The following NFIC variants were observed in gnomAD, a reference collection of about 807,000 sequenced individuals.
NFIC encodes the protein nuclear factor I C, also known as nuclear factor 1 C-type.
Under a neutral mutation model 54.4 loss-of-function variants are expected in NFIC, and 12 were observed. The observed-to-expected ratio is 0.22, with a 90% CI of 0.14 to 0.36. The LOEUF (loss-of-function observed/expected upper bound fraction) is 0.36, where lower values mean the gene tolerates loss of function less well. Among genes scored for constraint, NFIC ranks in the 10% least tolerant of loss-of-function variants. NFIC has a pLI of 1.00. For missense variants in NFIC, 575 were observed against 718.2 expected (o/e 0.80, Z 2.28); for synonymous variants, 322 against 319.2 (o/e 1.01, Z -0.09).
intron 1 of NFIC, among the ~76,000 whole-genome samples, chr19:3,374,229 T>C (rs757045548): frequency 2.6e-5 from 4 of 152,172 alleles, no homozygotes; most frequent in Non-Finnish European, 5.9e-5. Flanking sequence ...ACCCAGTGCA[T>C]GGCGTGGTCG....
chr19:3,363,605 A>C (rs1410167760), upstream of NFIC, among the ~76,000 whole-genome samples: 1 of 151,378 alleles, frequency 6.6e-6, no homozygotes, highest in African/African-American at 2.4e-5. Flanking sequence ...GTGTGTGTGC[A>C]TGTGTGTGTA....
chr19:3,393,653 A>G (rs928363146), intron 2 of NFIC, among the ~76,000 whole-genome samples: 4 of 151,196 alleles, frequency 2.6e-5, no homozygotes, highest in African/African-American at 4.9e-5. Flanking sequence ...GGTCTCTACT[A>G]AAAATACAAA....
intron 1 of NFIC, among the ~76,000 whole-genome samples, chr19:3,380,309 C>CTTTTTTTTTTTT (rs529220524): frequency 1.5e-5 from 1 of 65,148 alleles, no homozygotes. Context: ...CAGCCTTGTT[C>CTTTTTTTTTTTT]TTTTTTTTTT....
chr19:3,416,764 T>TTCG (rs2081861752), intron 2 of NFIC, among the ~76,000 whole-genome samples: 1 of 151,812 alleles, frequency 6.6e-6, no homozygotes, highest in African/African-American at 2.4e-5. Flanking sequence ...CCTCAGGTGA[T>TTCG]CCACCGCCTC....
rs1311634922 is a variant in NFIC at position 3,452,976 on chromosome 19, C to T, written c.1269+310C>T. On this transcript the variant is annotated intron_variant, in intron 8 of 10. Transcript: ENST00000443272. The surrounding 1 kb of genome is among the most constrained non-coding windows in gnomAD (Gnocchi z 5.3). ...AGGGACTGGGCATAGCGGCTCATGC[C>T]TGTGATCCCAGCGCTTTCGGAGGCC... is the stretch of plus-strand genomic sequence containing the variant. Among the ~76,000 whole-genome samples the T allele has an allele frequency of 6.6e-6, 1 of 152,234 alleles. No individual in the cohort carries two copies. The highest frequency in any genetic ancestry group is 1.5e-5 in the Non-Finnish European group (1 of 68,042).
At chr19:3,436,724 C>T (rs1207439681) in intron 6 of NFIC, among the ~76,000 whole-genome samples, 1 of 152,052 alleles carries the variant, frequency 6.6e-6, no homozygotes. Flanking sequence ...ATCCACCCAC[C>T]TCGGCCTCCC....
At chr19:3,430,206 A>C (rs2082099282) in intron 3 of NFIC, among the ~76,000 whole-genome samples, 1 of 151,766 alleles carries the variant, frequency 6.6e-6, no homozygotes, top group East Asian at 1.9e-4. Context: ...GTCAAAGTGC[A>C]CTAAGTACAT....
Position 3,464,191 on chromosome 19 carries a change from CA to C in NFIC, c.*1423del. 8 of 985,396 alleles carry C rather than the reference CA, an allele frequency of 8.1e-6. No individual in the cohort carries two copies. Among genetic ancestry groups the C allele is most frequent in the Non-Finnish European group, 9.6e-6 (8 of 829,916 alleles). The allele number at this position is 985,396 out of a possible 1,614,324, so 61.0% of individuals were successfully genotyped here. ...TCATCGCCTACCCCGACGCGGGGCC[CA>C]GCTGCGGGACGTGCATCACGGCTGG... On this transcript the variant is annotated 3_prime_UTR_variant, in exon 11 of 11. Coordinates refer to ENST00000443272, the MANE Select transcript of NFIC (RefSeq NM_001245002.2).
chr19:3,367,492 C>G (rs2080916810), intron 1 of NFIC, among the ~76,000 whole-genome samples: 1 of 152,136 alleles, frequency 6.6e-6, no homozygotes, highest in South Asian at 2.1e-4. Flanking sequence ...CTCCCCCTCC[C>G]CCTCCCGTAG....
rs1181911105 is a variant in NFIC at position 3,453,341 on chromosome 19, G to T, written c.1270-422G>T. On this transcript the variant is annotated intron_variant, in intron 8 of 10. Transcript: ENST00000443272. The surrounding 1 kb of genome is among the most constrained non-coding windows in gnomAD (Gnocchi z 6.7). ...AGACAGCGTTTGCCAGACTCCACAG[G>T]AAGCTTTGGATGTTCAGAGCTTTTC... 6.6e-6 allele frequency among the ~76,000 whole-genome samples: 1 copy of T among 152,208 alleles called. No individual in the cohort carries two copies. The highest frequency in any genetic ancestry group is 1.5e-5 in the Non-Finnish European group (1 of 68,044).
intron 6 of NFIC, among the ~76,000 whole-genome samples, chr19:3,447,943 T>G (rs2082397172): frequency 6.6e-6 from 1 of 152,234 alleles, no homozygotes; most frequent in Non-Finnish European, 1.5e-5. Flanking sequence ...TCATTCTTGT[T>G]GCCTGGGCTG....
At chr19:3,377,638 G>A (rs1196218735) in intron 1 of NFIC, among the ~76,000 whole-genome samples, 1 of 151,898 alleles carries the variant, frequency 6.6e-6, no homozygotes, top group African/African-American at 2.4e-5. Flanking sequence ...TAGAGACAGG[G>A]TCTTACTCTA....
At chr19:3,455,702 C>T (rs548969971) in intron 9 of NFIC, among the ~76,000 whole-genome samples, 6 of 151,916 alleles carry the variant, frequency 3.9e-5, no homozygotes, top group African/African-American at 7.2e-5. Flanking sequence ...ACTCAGGGCT[C>T]GGTGGGATTA....
At chr19:3,410,194 C>T (rs1267094366) in intron 2 of NFIC, among the ~76,000 whole-genome samples, 1 of 152,082 alleles carries the variant, frequency 6.6e-6, no homozygotes, top group East Asian at 1.9e-4. Flanking sequence ...GCGCCTGCCA[C>T]CACGCCCGGC....
In NFIC at chr19:3,441,880, C is replaced by T. The variant is rs147636228; in HGVS notation, c.958+6673C>T. ...CTGGGATGCTCCTCCTCCTCCTCGG[C>T]ATCCTCCCCCCACCCTTCCCTGCCC... On this transcript the variant is annotated intron_variant, in intron 6 of 10. Coordinates refer to ENST00000443272, the MANE Select transcript of NFIC (RefSeq NM_001245002.2). 5.3e-3 allele frequency among the ~76,000 whole-genome samples: 811 copies of T among 152,334 alleles called. 4 individuals are homozygous for T. The highest frequency in any genetic ancestry group is 9.7e-3 in the South Asian group (47 of 4,830).
At chr19:3,421,078 T>C (rs2081947105) in intron 2 of NFIC, among the ~76,000 whole-genome samples, 1 of 152,184 alleles carries the variant, frequency 6.6e-6, no homozygotes. Flanking sequence ...GAGGGGGTGC[T>C]ATAGTTGTGT....
intron 2 of NFIC, among the ~76,000 whole-genome samples, chr19:3,397,301 G>C (rs947997565): frequency 7.2e-5 from 11 of 152,194 alleles, no homozygotes; most frequent in Admixed American, 2.0e-4. Context: ...ACCCACAGTG[G>C]GCACCACATA....
upstream of NFIC, among the ~76,000 whole-genome samples, chr19:3,364,849 C>T (rs188978609): frequency 2.5e-4 from 38 of 152,254 alleles, 1 homozygote; most frequent in South Asian, 3.7e-3. Flanking sequence ...TTAGATTTCA[C>T]CCTGTATGTG....
chr19:3,373,623 C>CCA lies in NFIC; in HGVS notation c.30+6958_30+6959insAC, dbSNP rs2081059221. Among the ~76,000 whole-genome samples, 3 of 125,410 alleles carry CCA rather than the reference C, an allele frequency of 2.4e-5. No homozygotes were observed. In the South Asian group the frequency reaches 9.4e-4, roughly 39 times the overall value. The allele number at this position is 125,410 out of a possible 152,430, so 82.3% of individuals were successfully genotyped here. A position where few individuals can be genotyped will look rare whatever the true frequency, so the allele number is the denominator to read the frequency against. On this transcript the variant is annotated intron_variant, in intron 1 of 10. Coordinates refer to ENST00000443272, the MANE Select transcript of NFIC (RefSeq NM_001245002.2). ...CTGCAAGAGACCTTCCTGGACCCCC[C>CCA]CCCCAAGCTAAAAAACACCCCCCAC...
Sources: gnomAD v4.1 joint callset for allele counts (sites outside exome capture counted in the v4.1 genomes callset) on GRCh38, gnomAD v4.1.1 for gene constraint, Gnocchi (gnomAD v3.1) non-coding constraint, MANE v1.5 for transcripts, NCBI Gene and HGNC (gene_info 2026-07-23, HGNC 2026-07-21) for gene names.